The following HECW1 variants were observed in gnomAD, a reference collection of about 807,000 sequenced individuals.
HECW1 encodes the protein HECT, C2 and WW domain containing E3 ubiquitin protein ligase 1.
In HECW1, 61 loss-of-function variants were observed where a neutral mutation model predicts 182.3. The observed-to-expected ratio is 0.33, with a 90% CI of 0.27 to 0.41. The LOEUF (loss-of-function observed/expected upper bound fraction) is 0.41, where lower values mean the gene tolerates loss of function less well. HECW1 is among the 10% of genes least tolerant of loss of function. HECW1 has a pLI of 1.00. For missense variants in HECW1, 1,739 were observed against 2,108.9 expected (o/e 0.82, Z 3.44); for synonymous variants, 859 against 832.6 (o/e 1.03, Z -0.55).
At chr7:43,553,818 T>G (rs1028714977) in intron 28 of HECW1, among the ~76,000 whole-genome samples, 4 of 152,188 alleles carry the variant, frequency 2.6e-5, no homozygotes, top group African/African-American at 9.7e-5. Flanking sequence ...TTATTCTTTA[T>G]TTTTCCTGCC....
chr7:43,279,877 A>G (rs1462045400), intron 3 of HECW1, among the ~76,000 whole-genome samples: 4 of 152,242 alleles, frequency 2.6e-5, no homozygotes, highest in Non-Finnish European at 5.9e-5. Context: ...CGACTATTAC[A>G]GTAGATGCTC....
chr7:43,354,187 T>TA (rs34351679), intron 5 of HECW1, among the ~76,000 whole-genome samples: 25,658 of 121,514 alleles, frequency 0.21, 2,805 homozygotes, highest in Non-Finnish European at 0.3. Context: ...TATCCAATAA[T>TA]AAAAAAAAAA....
intron 2 of HECW1, among the ~76,000 whole-genome samples, chr7:43,128,645 G>T (rs537851406): frequency 6.6e-6 from 1 of 152,276 alleles, no homozygotes; most frequent in Admixed American, 6.5e-5. Flanking sequence ...TGACTTTCAA[G>T]TCTTATTATT....
In HECW1 at chr7:43,219,305, T is replaced by C. The variant is rs143815749; in HGVS notation, c.-31-24570T>C. On this transcript the variant is annotated intron_variant, in intron 2 of 29. Transcript: ENST00000395891. ...GCTCTAAGACCCAGGGCTTTCCTAC[T>C]GGACAAGAAATGTTTCTGGAGCCGC... Among the ~76,000 whole-genome samples, 6 of 152,256 alleles carry C rather than the reference T, an allele frequency of 3.9e-5. No homozygotes were observed. The East Asian group carries it at 1.2e-3, about 29-fold the overall frequency.
chr7:43,378,988 G>A (rs2074439285), intron 6 of HECW1, among the ~76,000 whole-genome samples: 1 of 151,998 alleles, frequency 6.6e-6, no homozygotes, highest in Admixed American at 6.6e-5. Context: ...TATTGCTTAT[G>A]GGGGGGCGGT....
chr7:43,542,986 A>G (rs1402041603), intron 26 of HECW1, among the ~76,000 whole-genome samples: 2 of 152,178 alleles, frequency 1.3e-5, no homozygotes, highest in Non-Finnish European at 2.9e-5. Flanking sequence ...GATTCTTTTT[A>G]TCACATCCAG....
At chr7:43,509,769 A>C (rs1440562740) in intron 24 of HECW1, 1 of 152,236 alleles carries the variant, frequency 6.6e-6, no homozygotes, top group Non-Finnish European at 1.5e-5. Flanking sequence ...GCATCACCAC[A>C]TGCCTGATTT....
At chr7:43,199,039 A>G (rs1794797018) in intron 2 of HECW1, among the ~76,000 whole-genome samples, 1 of 152,212 alleles carries the variant, frequency 6.6e-6, no homozygotes, top group Admixed American at 6.5e-5. Context: ...CAAATCCGAT[A>G]TAAGAGAGTC....
intron 3 of HECW1, chr7:43,274,091 TCCAC>T: frequency 5.5e-6 from 2 of 365,840 alleles, no homozygotes; most frequent in Non-Finnish European, 9.7e-6. Flanking sequence ...CCTCAGTTGA[TCCAC>T]CCGCCTCGGC....
At chr7:43,159,827 C>T (rs534855731) in intron 2 of HECW1, among the ~76,000 whole-genome samples, 1 of 151,836 alleles carries the variant, frequency 6.6e-6, no homozygotes, top group Admixed American at 6.6e-5. Flanking sequence ...CTACAGGTGC[C>T]CACCACCACG....
rs964694182 is a variant in HECW1, at chr7:43,563,490, G to C, written c.*1564G>C. On this transcript the variant is annotated 3_prime_UTR_variant, in exon 30 of 30. Coordinates refer to ENST00000395891, the MANE Select transcript of HECW1 (RefSeq NM_015052.5). ...TTCCATATTAAAACAAGGGAGAAATGTAAGACGAAGTGAATTTCATATGAA... is the reference window on the plus strand; with the variant it reads ...TTCCATATTAAAACAAGGGAGAAATCTAAGACGAAGTGAATTTCATATGAA... 1 of 197,158 alleles carries C rather than the reference G, an allele frequency of 5.1e-6. No individual in the cohort carries two copies. The highest frequency in any genetic ancestry group is 2.3e-5 in the African/African-American group (1 of 43,266). 12.2% of individuals were successfully genotyped at this position (197,158 alleles called of 1,614,324 possible). A position where few individuals can be genotyped will look rare whatever the true frequency, so the allele number is the denominator to read the frequency against.
chr7:43,401,567 G>GTTTTT (rs10574466), intron 7 of HECW1, among the ~76,000 whole-genome samples: 10,521 of 122,658 alleles, frequency 0.086, 597 homozygotes, highest in Non-Finnish European at 0.13. Context: ...ATTTAAAAAG[G>GTTTTT]TTTTTTTTTT....
rs769499627 is a variant in HECW1 at position 43,444,909 on chromosome 7, A to AGAG, written c.1746_1748dup (p.Glu582dup). The AGAG allele has an allele frequency of 6.2e-7, 1 of 1,601,744 alleles. No homozygotes were observed. On this transcript the variant is annotated inframe_insertion, in exon 11 of 30. Transcript: ENST00000395891. This position sits in a 1 kb window ranked among gnomAD's most constrained non-coding sequence, Gnocchi z 4.3. ...CCTCCGCCCAGGGCGGCAGCGCGGC[A>AGAG]GAGGAGGAGGACGGCGCGGAGGAGG...
intron 17 of HECW1, among the ~76,000 whole-genome samples, chr7:43,488,321 A>C (rs931402051): frequency 7.6e-6 from 1 of 132,260 alleles, no homozygotes; most frequent in Non-Finnish European, 1.6e-5. Flanking sequence ...AAAAAGAAAG[A>C]AAGAGGAAGG....
At chr7:43,479,135 T>C (rs1157494929) in intron 16 of HECW1, among the ~76,000 whole-genome samples, 1 of 152,198 alleles carries the variant, frequency 6.6e-6, no homozygotes, top group Non-Finnish European at 1.5e-5. Flanking sequence ...TGTATTATTA[T>C]TACATTGTAT....
At chr7:43,299,610 C>T (rs1468833160) in intron 3 of HECW1, among the ~76,000 whole-genome samples, 6 of 152,158 alleles carry the variant, frequency 3.9e-5, no homozygotes, top group African/African-American at 1.4e-4. Context: ...GAAAGATTAG[C>T]TGTGTGGAAA....
intron 3 of HECW1, among the ~76,000 whole-genome samples, chr7:43,250,230 G>A (rs551170436): frequency 1.8e-4 from 27 of 152,172 alleles, no homozygotes; most frequent in Non-Finnish European, 3.4e-4. Flanking sequence ...GGATTATGCT[G>A]GGTCACTCTG....
At chr7:43,237,117 A>G (rs1798425371) in intron 2 of HECW1, among the ~76,000 whole-genome samples, 1 of 149,682 alleles carries the variant, frequency 6.7e-6, no homozygotes, top group Admixed American at 6.7e-5. Context: ...GAAGAAAGAA[A>G]AAAAGAAGGA....
chr7:43,359,115 C>T (rs922325252), intron 5 of HECW1, among the ~76,000 whole-genome samples: 2 of 152,134 alleles, frequency 1.3e-5, no homozygotes, highest in Non-Finnish European at 2.9e-5. Context: ...CGTGAGCCAC[C>T]GTGCCCGGCC....
Sources: gnomAD v4.1 joint callset for allele counts (sites outside exome capture counted in the v4.1 genomes callset) on GRCh38, gnomAD v4.1.1 for gene constraint, Gnocchi (gnomAD v3.1) non-coding constraint, MANE v1.5 for transcripts, NCBI Gene and HGNC (gene_info 2026-07-23, HGNC 2026-07-21) for gene names.